The following TNS1 variants were observed in gnomAD, a reference collection of about 807,000 sequenced individuals.
The protein encoded by TNS1 is tensin-1.
TNS1 carries 62 observed loss-of-function variants against 168.6 expected under a neutral mutation model. The observed-to-expected ratio is 0.37, with a 90% confidence interval of 0.30 to 0.45. TNS1 has a LOEUF of 0.45. Among genes scored for constraint, TNS1 ranks in the 20% least tolerant of loss-of-function variants. The probability of loss-of-function intolerance (pLI) is 1.00; values close to 1 mark genes in which losing one functional copy is unlikely to be tolerated. For missense variants in TNS1, 2,240 were observed against 2,339.4 expected (o/e 0.96, Z 0.88); for synonymous variants, 934 against 933.2 (o/e 1.00, Z -0.02).
chr2:217,835,093 C>G lies in TNS1; in HGVS notation c.3278G>C (p.Gly1093Ala). The change falls in exon 21 of 33, where the codon GGG becomes GCG. Residue 1093 changes from glycine (G) to alanine (A), a missense_variant and splice_region_variant. By Grantham distance (60) the Gly-to-Ala change is moderately conservative. Around this residue, in one of 2 missense-constraint regions of TNS1, gnomAD observed 2,131 missense variants for 2,171.2 expected, o/e 0.98. Coordinates refer to ENST00000682258, the MANE Select transcript of TNS1 (RefSeq NM_001387777.1). ...GTSPSSPPPS[G>A]VRSPPGLAKT... is the part of the protein sequence containing the mutation. ...CGAGCTTCACAGGGAATTCTTACCC[C>G]CACTGGGTGGTGGGCTGCTCGGGGA... 1 of 1,570,950 alleles carries G rather than the reference C, an allele frequency of 6.4e-7. No individual in the cohort carries two copies. The highest frequency in any genetic ancestry group is 1.2e-5 in the South Asian group (1 of 83,020).
chr2:217,961,254 C>CAGAGAGAGAGAGAG (rs1347056666), intron 3 of TNS1, among the ~76,000 whole-genome samples: 1 of 130,126 alleles, frequency 7.7e-6, no homozygotes, highest in African/African-American at 2.9e-5. Context: ...CACACACACA[C>CAGAGAGAGAGAGAG]ACACACAGAG....
chr2:217,833,082 T>C (rs1279314598), intron 21 of TNS1, among the ~76,000 whole-genome samples: 2 of 152,224 alleles, frequency 1.3e-5, no homozygotes, highest in Non-Finnish European at 2.9e-5. Flanking sequence ...ATGAAATTAA[T>C]TACGAAATAA....
chr2:217,856,579 G>A (rs755122346), intron 18 of TNS1, among the ~76,000 whole-genome samples: 1 of 152,190 alleles, frequency 6.6e-6, no homozygotes, highest in Non-Finnish European at 1.5e-5. Context: ...ACCTCTGAAG[G>A]AGAGCCACAC....
intron 9 of TNS1, among the ~76,000 whole-genome samples, chr2:217,894,391 C>A (rs1393415139): frequency 2.0e-5 from 3 of 152,170 alleles, no homozygotes; most frequent in Non-Finnish European, 4.4e-5. Flanking sequence ...ACGCGCTGGC[C>A]CATGCCTGTA....
Position 217,804,202 on chromosome 2 carries a change from G to T in TNS1, c.*257C>A. On this transcript the variant is annotated 3_prime_UTR_variant, in exon 33 of 33. Coordinates refer to ENST00000682258, the MANE Select transcript of TNS1 (RefSeq NM_001387777.1). ...GGACCTGGTTAGTTTTGGAGGCTTTGGGTTTTTGCAGTTTCCATCTACCCA... is the reference window on the plus strand; with the variant it reads ...GGACCTGGTTAGTTTTGGAGGCTTTTGGTTTTTGCAGTTTCCATCTACCCA... The T allele has an allele frequency of 2.2e-6, 1 of 449,388 alleles. No individual in the cohort carries two copies. The highest frequency in any genetic ancestry group is 4.0e-6 in the Non-Finnish European group (1 of 252,178). 27.8% of individuals were successfully genotyped at this position (449,388 alleles called of 1,614,324 possible). A position where few individuals can be genotyped will look rare whatever the true frequency, so the allele number is the denominator to read the frequency against.
At position 217,997,760 on chromosome 2, in the gene TNS1, G is replaced by A. The variant is rs114539394; in HGVS notation, c.33+5080C>T. Reference sequence around the variant, plus strand: ...TGTGAGGATGAAATGAGATTATGCCGTAAAGTCGGTGGAATGGGGCCTGGC... The same window carrying A: ...TGTGAGGATGAAATGAGATTATGCCATAAAGTCGGTGGAATGGGGCCTGGC... On this transcript the variant is annotated intron_variant, in intron 1 of 32. Coordinates refer to ENST00000682258, the MANE Select transcript of TNS1 (RefSeq NM_001387777.1). Among the ~76,000 whole-genome samples, 400 of 152,320 alleles carry A rather than the reference G, an allele frequency of 2.6e-3. 3 individuals carry two copies. The highest frequency in any genetic ancestry group is 9.0e-3 in the African/African-American group (374 of 41,562).
rs758272676 is a variant in TNS1 at position 217,848,873 on chromosome 2, G to A, written c.1644C>T (p.Pro548=). 1.2e-4 allele frequency: 188 copies of A among 1,614,072 alleles called. 4 individuals carry two copies. Among genetic ancestry groups the A allele is most frequent in the South Asian group, 1.1e-3 (98 of 91,050 alleles). ...AGGCAGCAGTGGCACTGGAGGCCCC[G>A]GGGACAGGCTCGTCGGTCTTGTCGG... is the stretch of plus-strand genomic sequence containing the variant. ...TKTDKTDEPV[P]GASSATAALS... The change falls in exon 19 of 33, where the codon CCC becomes CCT. Residue 548 remains proline (P), a synonymous_variant. Transcript: ENST00000682258.
chr2:217,961,864 T>C (rs992613346), intron 3 of TNS1, among the ~76,000 whole-genome samples: 15 of 152,352 alleles, frequency 9.8e-5, no homozygotes, highest in Admixed American at 4.6e-4. Flanking sequence ...TACAGTCAGA[T>C]TAATGTCTAC....
chr2:217,843,950 C>T (rs937469889), intron 19 of TNS1, among the ~76,000 whole-genome samples: 2 of 152,270 alleles, frequency 1.3e-5, no homozygotes, highest in East Asian at 1.9e-4. Flanking sequence ...AGTTCAGCTG[C>T]CTTCCATATG....
At chr2:217,936,772 A>T (rs1031851666) in intron 3 of TNS1, among the ~76,000 whole-genome samples, 1 of 151,992 alleles carries the variant, frequency 6.6e-6, no homozygotes. Context: ...TTTCCCACAC[A>T]TGCCATTTTA....
intron 3 of TNS1, among the ~76,000 whole-genome samples, chr2:217,967,810 T>C (rs757204814): frequency 3.9e-5 from 6 of 152,116 alleles, no homozygotes; most frequent in Non-Finnish European, 5.9e-5. Flanking sequence ...ACCTCTCAAA[T>C]CATTCTATGA....
chr2:217,861,456 C>A (rs1383886898), intron 18 of TNS1, among the ~76,000 whole-genome samples: 1 of 152,228 alleles, frequency 6.6e-6, no homozygotes, highest in East Asian at 1.9e-4. Context: ...TGTGGGCGCT[C>A]TGACTTAAAA....
chr2:217,884,954 C>T, intron 16 of TNS1, 81 bp downstream of exon 16: 1 of 1,570,312 alleles, frequency 6.4e-7, no homozygotes, highest in South Asian at 1.2e-5. Flanking sequence ...AGATGGTCCC[C>T]ATACCCACCA....
At chr2:217,960,073 C>T (rs1957460691) in intron 3 of TNS1, among the ~76,000 whole-genome samples, 1 of 151,992 alleles carries the variant, frequency 6.6e-6, no homozygotes, top group Non-Finnish European at 1.5e-5. Context: ...GCTGCACAGC[C>T]CCTCACCTAC....
chr2:217,823,215 G>C (rs544897733), intron 22 of TNS1, among the ~76,000 whole-genome samples: 48 of 152,224 alleles, frequency 3.2e-4, no homozygotes, highest in Non-Finnish European at 1.0e-4. Context: ...ATCTTAGGCT[G>C]TTGGGTCAGG....
At chr2:217,846,525 C>T (rs1946668280) in intron 19 of TNS1, among the ~76,000 whole-genome samples, 1 of 152,210 alleles carries the variant, frequency 6.6e-6, no homozygotes, top group Admixed American at 6.5e-5. Context: ...GCTCCCACCA[C>T]CCTGTCAGCT....
chr2:217,848,386 C>T lies in TNS1; in HGVS notation c.2131G>A (p.Glu711Lys), dbSNP rs1272939244. Residue 711 changes from glutamate (E) to lysine (K), a missense_variant, in exon 19 of 33, where the codon GAG becomes AAG. Glu to Lys is a moderately conservative substitution (Grantham distance 56, BLOSUM62 1). Around this residue, in one of 2 missense-constraint regions of TNS1, gnomAD observed 2,131 missense variants for 2,171.2 expected, o/e 0.98. Coordinates refer to ENST00000682258, the MANE Select transcript of TNS1 (RefSeq NM_001387777.1). ...APMRPSYSAQ[E>K]GLAGYQREGP... ...TCCCTCTGGTAGCCAGCTAAACCCT[C>T]CTGTGCAGAGTAGGAGGGCCGCATG... 6.4e-7 allele frequency: 1 copy of T among 1,564,904 alleles called. No individual in the cohort carries two copies.
chr2:217,921,297 A>G (rs1575085770), intron 3 of TNS1, among the ~76,000 whole-genome samples: 5 of 152,192 alleles, frequency 3.3e-5, no homozygotes, highest in Admixed American at 2.0e-4. Flanking sequence ...GCATGAGGTT[A>G]TCTGGGAACA....
intron 3 of TNS1, among the ~76,000 whole-genome samples, chr2:217,962,341 G>C (rs1957520574): frequency 6.6e-6 from 1 of 152,204 alleles, no homozygotes; most frequent in Non-Finnish European, 1.5e-5. Context: ...TACTTGGGAG[G>C]CTGAGGCAGG....
Sources: allele counts gnomAD v4.1 joint callset (sites outside exome capture counted in the v4.1 genomes callset), GRCh38; gene constraint gnomAD v4.1.1; regional missense constraint gnomAD v4.1.1; transcripts MANE v1.5; gene names NCBI Gene and HGNC (gene_info 2026-07-23, HGNC 2026-07-21).